The following CACUL1 variants were observed in gnomAD, a reference collection of about 807,000 sequenced individuals.
CACUL1 encodes CDK2-associated and cullin domain-containing protein 1.
In CACUL1, 13 loss-of-function variants were observed where a neutral mutation model predicts 45.2. The ratio of observed to expected loss-of-function variants is 0.29; its 90% CI spans 0.19 to 0.46. The LOEUF (loss-of-function observed/expected upper bound fraction) is 0.46, where lower values mean the gene tolerates loss of function less well. Ranked by LOEUF, CACUL1 falls within the 20% of genes least tolerant of loss-of-function variation. The pLI is 1.00. For synonymous variants in CACUL1, 197 were observed against 174.2 expected (o/e 1.13, Z -1.03); for missense variants, 421 against 471.4 (o/e 0.89, Z 0.99).
chr10:118,689,052 T>C (rs1762221345), intron 7 of CACUL1, among the ~76,000 whole-genome samples: 1 of 152,224 alleles, frequency 6.6e-6, no homozygotes, highest in Non-Finnish European at 1.5e-5. Context: ...TGGTTAGGCA[T>C]AAACCATAAA....
intron 1 of CACUL1, among the ~76,000 whole-genome samples, chr10:118,746,547 A>G (rs1396645538): frequency 2.6e-5 from 4 of 152,240 alleles, no homozygotes; most frequent in Non-Finnish European, 5.9e-5. Flanking sequence ...TGGGGTAGGC[A>G]AATATTTCTT....
At chr10:118,694,932 CA>C in intron 6 of CACUL1, 1 of 409,160 alleles carries the variant, frequency 2.4e-6, no homozygotes, top group Non-Finnish European at 4.6e-6. Context: ...ACAGGTTCTG[CA>C]AAAACCACAC....
In CACUL1 at chr10:118,754,487, C is replaced by T. The variant is rs746650119; in HGVS notation, c.276G>A (p.Lys92=). 6.2e-7 allele frequency: 1 copy of T among 1,612,842 alleles called. No individual in the cohort carries two copies. The highest frequency in any genetic ancestry group is 1.1e-5 in the South Asian group (1 of 90,986). ...PEANGVIMML[K]SCDAAAAVAK... is the part of the protein sequence containing the mutation. ...CCACGGCGGCGGCCGCGTCGCAGCT[C>T]TTCAACATCATGATCACCCCATTAG... is the stretch of plus-strand genomic sequence containing the variant. Residue 92 remains lysine (K), a synonymous_variant, in exon 1 of 9, where the codon AAG becomes AAA. Transcript: ENST00000369151.
chr10:118,735,075 C>T (rs944026452), intron 1 of CACUL1, among the ~76,000 whole-genome samples: 1 of 152,226 alleles, frequency 6.6e-6, no homozygotes, highest in South Asian at 2.1e-4. Flanking sequence ...AGAGCCCCAA[C>T]TCTAAACAGT....
chr10:118,695,160 G>A lies in CACUL1; in HGVS notation c.867C>T (p.Gly289=). The change falls in exon 6 of 9, where the codon GGC becomes GGT. Residue 289 remains glycine (G), a synonymous_variant. Transcript: ENST00000369151. ...GTTTACCTGGTCTGAGGGTATACAG[G>A]CCTTTCACAATATTTGCCATAGTTG... ...TPSTMANIVK[G]LYTLRPEWVQ... The A allele has an allele frequency of 6.3e-7, 1 of 1,596,610 alleles. No individual in the cohort carries two copies.
intron 1 of CACUL1, among the ~76,000 whole-genome samples, chr10:118,749,965 T>C (rs189774764): frequency 4.6e-5 from 7 of 152,188 alleles, no homozygotes; most frequent in Admixed American, 3.9e-4. Flanking sequence ...AGTAATAAAC[T>C]CGAAGCAACA....
intron 1 of CACUL1, among the ~76,000 whole-genome samples, chr10:118,745,532 G>C (rs964321473): frequency 2.0e-5 from 3 of 152,052 alleles, no homozygotes; most frequent in Non-Finnish European, 2.9e-5. Flanking sequence ...CTGCACTCCA[G>C]CCTGGGCGAC....
chr10:118,703,944 C>T lies in CACUL1; in HGVS notation c.694-2536G>A, dbSNP rs563660523. On this transcript the variant is annotated intron_variant, in intron 4 of 8. Transcript: ENST00000369151. ...ATTATCAAGGAAAGCAAACTTTTGT[C>T]TTATATTTTCCAATTTTGCATTTTT... Among the ~76,000 whole-genome samples, 3 of 151,742 alleles carry T rather than the reference C, an allele frequency of 2.0e-5. No individual in the cohort carries two copies. In the East Asian group the frequency reaches 5.8e-4, roughly 29 times the overall value.
chr10:118,686,677 TCA>T, intron 7 of CACUL1, 36 bp from the exon 8 acceptor site: 1 of 1,513,454 alleles, frequency 6.6e-7, no homozygotes. Flanking sequence ...AAAACTGACT[TCA>T]CATCAAAACA....
At position 118,683,680 on chromosome 10, in the gene CACUL1, G is replaced by A. The variant is rs1344318633; in HGVS notation, c.*2448C>T. On this transcript the variant is annotated 3_prime_UTR_variant, in exon 9 of 9. Coordinates refer to ENST00000369151, the MANE Select transcript of CACUL1 (RefSeq NM_153810.5). ...ACTGCACTCCAGCCTGGGTGAGAGA[G>A]TGAGACTCCATCTCAAAAACAAAAT... 1 of 152,168 alleles carries A rather than the reference G, an allele frequency of 6.6e-6. No individual in the cohort carries two copies. The highest frequency in any genetic ancestry group is 2.1e-4 in the South Asian group (1 of 4,828). The allele number at this position is 152,168 out of a possible 1,614,324, so 9.4% of individuals were successfully genotyped here.
chr10:118,715,091 AAAC>A (rs989517275), intron 3 of CACUL1, among the ~76,000 whole-genome samples: 31 of 152,358 alleles, frequency 2.0e-4, no homozygotes, highest in South Asian at 1.7e-3. Context: ...AATAATTTCA[AAAC>A]AACCTTTAAA....
At chr10:118,686,788 G>C in intron 7 of CACUL1, 147 bp from the exon 8 acceptor site, 2 of 642,914 alleles carry the variant, frequency 3.1e-6, no homozygotes, top group Non-Finnish European at 5.6e-6. Context: ...TTAGAATCCT[G>C]ATGTACCTCA....
chr10:118,691,291 T>G lies in CACUL1; in HGVS notation c.999A>C (p.Arg333Ser). ...EYAAQDQKFQ[R>S]ELIQNGFTRG... ...TTGTAAAACCATTCTGTATAAGTTC[T>G]CTTTGAAATTTCTGATCTTGAGCAG... is the stretch of plus-strand genomic sequence containing the variant. Residue 333 changes from arginine to serine, a missense_variant, in exon 7 of 9, where the codon AGA becomes AGC. This residue lies in a region of CACUL1 where 208 missense variants were observed against 298.4 expected (regional missense o/e 0.70). Coordinates refer to ENST00000369151, the MANE Select transcript of CACUL1 (RefSeq NM_153810.5). 6.2e-7 allele frequency: 1 copy of G among 1,613,672 alleles called. No homozygotes were observed. The highest frequency in any genetic ancestry group is 8.5e-7 in the Non-Finnish European group (1 of 1,179,780).
At chr10:118,745,455 G>C (rs1427514391) in intron 1 of CACUL1, among the ~76,000 whole-genome samples, 1 of 152,076 alleles carries the variant, frequency 6.6e-6, no homozygotes, top group African/African-American at 2.4e-5. Flanking sequence ...CCAGCTACTC[G>C]GGAGGCTGAG....
intron 5 of CACUL1, among the ~76,000 whole-genome samples, chr10:118,700,716 C>CAAAAAAAAAAAAAAA (rs59032746): frequency 3.8e-4 from 51 of 132,904 alleles, no homozygotes; most frequent in African/African-American, 1.5e-3. Context: ...GACTCCGTCT[C>CAAAAAAAAAAAAAAA]AAAAAAAAAA....
rs1332994705 is a variant in CACUL1 at position 118,678,926 on chromosome 10, G to T, written c.*7202C>A. 6.6e-6 allele frequency: 1 copy of T among 152,178 alleles called. No individual in the cohort carries two copies. Among genetic ancestry groups the T allele is most frequent in the African/African-American group, 2.4e-5 (1 of 41,440 alleles). The allele number at this position is 152,178 out of a possible 1,614,324, so 9.4% of individuals were successfully genotyped here. A position where few individuals can be genotyped will look rare whatever the true frequency, so the allele number is the denominator to read the frequency against. The stretch of plus-strand genomic sequence containing the variant: ...AATCTTCATAATTTAGTCTCTGCAA[G>T]ATCTATTAATTACTGAGAGGGGTAT... On this transcript the variant is annotated 3_prime_UTR_variant, in exon 9 of 9. Coordinates refer to ENST00000369151, the MANE Select transcript of CACUL1 (RefSeq NM_153810.5).
chr10:118,686,467 C>T, intron 8 of CACUL1, 131 bp downstream of exon 8: 1 of 789,512 alleles, frequency 1.3e-6, no homozygotes, highest in Non-Finnish European at 2.2e-6. Context: ...GCATCCTGAC[C>T]TTGATTACAA....
chr10:118,730,442 C>T (rs760148463), intron 1 of CACUL1, 32 bp from the exon 2 acceptor site: 14 of 1,566,226 alleles, frequency 8.9e-6, no homozygotes, highest in African/African-American at 2.7e-5. Context: ...AATATTACTA[C>T]GTGCCACATG....
At chr10:118,691,686 T>G in intron 6 of CACUL1, 2 of 274,252 alleles carry the variant, frequency 7.3e-6, no homozygotes, top group Non-Finnish European at 1.4e-5. Flanking sequence ...GCTAACATGG[T>G]GAAACCCCAT....
Sources: gnomAD v4.1 joint callset for allele counts (sites outside exome capture counted in the v4.1 genomes callset) on GRCh38, gnomAD v4.1.1 for gene constraint, gnomAD v4.1.1 regional missense constraint, MANE v1.5 for transcripts, NCBI Gene and HGNC (gene_info 2026-07-23, HGNC 2026-07-21) for gene names.